LONP2: variants seen among roughly 807,000 people sequenced by gnomAD.
LONP2 encodes the protein lon protease homolog 2, peroxisomal.
Under a neutral mutation model 85.6 loss-of-function variants are expected in LONP2, and 60 were observed. That is an observed-to-expected ratio of 0.70 (90% CI 0.57 to 0.87). LONP2 has a LOEUF of 0.87. Among genes scored for constraint, LONP2 ranks in the 40% least tolerant of loss-of-function variants. LONP2 has a pLI of 0.00. For synonymous variants in LONP2, 395 were observed against 389.7 expected, an observed-to-expected ratio of 1.01 and a Z score of -0.16; for missense variants, 860 against 1,063.5, an observed-to-expected ratio of 0.81 and a Z score of 2.66.
chr16:48,318,228 T>C (rs1357724808), intron 11 of LONP2, among the ~76,000 whole-genome samples: 2 of 151,994 alleles, frequency 1.3e-5, no homozygotes, highest in Non-Finnish European at 2.9e-5. Flanking sequence ...CAATTTAAAA[T>C]GCATCAAAAG....
chr16:48,341,492 A>G (rs1379097309), intron 12 of LONP2, among the ~76,000 whole-genome samples: 1 of 151,750 alleles, frequency 6.6e-6, no homozygotes, highest in Non-Finnish European at 1.5e-5. Flanking sequence ...CTCACTCACT[A>G]TTGCGAGGAC....
chr16:48,286,615 CCA>C (rs774123158), intron 8 of LONP2, among the ~76,000 whole-genome samples: 3 of 152,038 alleles, frequency 2.0e-5, no homozygotes, highest in Non-Finnish European at 4.4e-5. Context: ...AGTGACCCAC[CCA>C]CCTCAGCCTC....
intron 11 of LONP2, among the ~76,000 whole-genome samples, chr16:48,309,744 CTTGTT>C (rs1464151512): frequency 6.6e-6 from 1 of 151,794 alleles, no homozygotes; most frequent in Non-Finnish European, 1.5e-5. Flanking sequence ...TTTATTGAGA[CTTGTT>C]TTGTGGCCTG....
At position 48,362,720 on chromosome 16, in the gene LONP2, T is replaced by A. The variant is rs1000882423; in HGVS notation, c.*857T>A. ...CTACATAGAATAATAAATGCTAAAATAGAAAATGGACCATAAACAACTAAA... is the reference window on the plus strand; with the variant it reads ...CTACATAGAATAATAAATGCTAAAAAAGAAAATGGACCATAAACAACTAAA... On this transcript the variant is annotated 3_prime_UTR_variant, in exon 5 of 5. Coordinates refer to the LONP2 transcript ENST00000565867. This position sits in a 1 kb window ranked among gnomAD's most constrained non-coding sequence, Gnocchi z 4.2. The A allele has an allele frequency of 1.1e-5, 3 of 284,928 alleles. No homozygotes were observed. The Admixed American group carries it at 1.5e-4, about 14-fold the overall frequency. The allele number at this position is 284,928 out of a possible 1,614,324, so 17.6% of individuals were successfully genotyped here.
At chr16:48,264,195 G>C (rs1339727374) in intron 6 of LONP2, among the ~76,000 whole-genome samples, 1 of 152,156 alleles carries the variant, frequency 6.6e-6, no homozygotes, top group Non-Finnish European at 1.5e-5. Flanking sequence ...TGAGATAACG[G>C]ATCTGACCAA....
chr16:48,295,783 T>C (rs1163966753), intron 8 of LONP2, among the ~76,000 whole-genome samples: 2 of 152,248 alleles, frequency 1.3e-5, no homozygotes, highest in African/African-American at 4.8e-5. Context: ...TTTCTGCTGC[T>C]TTGTGCTATT....
intron 7 of LONP2, among the ~76,000 whole-genome samples, chr16:48,275,892 C>A (rs117537416): frequency 0.011 from 1,717 of 152,100 alleles, 12 homozygotes; most frequent in Non-Finnish European, 0.018. Context: ...GGGTGCCTAC[C>A]TAGAATATTA....
chr16:48,330,265 G>A (rs951517141), intron 11 of LONP2, among the ~76,000 whole-genome samples: 4 of 152,210 alleles, frequency 2.6e-5, no homozygotes, highest in African/African-American at 9.6e-5. Flanking sequence ...CAAAAGAAAG[G>A]TATATAAGAA....
intron 11 of LONP2, among the ~76,000 whole-genome samples, chr16:48,316,571 C>T (rs1413124365): frequency 1.3e-5 from 2 of 152,082 alleles, no homozygotes; most frequent in African/African-American, 4.8e-5. Flanking sequence ...AAGTGATCCA[C>T]CCACCTTGGC....
chr16:48,351,607 G>C lies in LONP2; in HGVS notation c.2364G>C (p.Leu788=), dbSNP rs74862606. The change falls in exon 15 of 15, where the codon CTG becomes CTC. Residue 788 remains leucine, a synonymous_variant. Transcript: ENST00000285737. ...TGGGTGGAATTAAAGACAAAGTGCT[G>C]GCGGCACACAGAGCGGGACTGAAGC... ...LPVGGIKDKV[L]AAHRAGLKQV... 8.5e-4 allele frequency: 1,372 copies of C among 1,613,940 alleles called. 2 individuals are homozygous for C. In the African/African-American group the frequency reaches 0.017, roughly 20 times the overall value.
rs570269128 is a variant in LONP2, at chr16:48,257,096, G to A, written c.600+355G>A. Among the ~76,000 whole-genome samples, 6 of 152,306 alleles carry A rather than the reference G, an allele frequency of 3.9e-5. No homozygotes were observed. The East Asian group carries it at 1.2e-3, about 29-fold the overall frequency. On this transcript the variant is annotated intron_variant, in intron 3 of 14. Coordinates refer to ENST00000285737, the MANE Select transcript of LONP2 (RefSeq NM_031490.5). ...GGAGGCTGAGATGGGTGGATCGCTT[G>A]AGATCAGGAGTTCGAGACCAGCCTG... is the stretch of plus-strand genomic sequence containing the variant.
chr16:48,303,390 G>T, intron 11 of LONP2, 85 bp downstream of exon 11: 1 of 1,538,904 alleles, frequency 6.5e-7, no homozygotes, highest in Non-Finnish European at 8.9e-7. Flanking sequence ...GGAAGGTGTT[G>T]GGTAGTCCTT....
At chr16:48,362,015 T>C (rs746549456), downstream of LONP2, 2 of 1,614,168 alleles carry the variant, frequency 1.2e-6, no homozygotes, top group Non-Finnish European at 1.7e-6. This position sits in a 1 kb window ranked among gnomAD's most constrained non-coding sequence, Gnocchi z 4.2. Flanking sequence ...CCAGAGAGCC[T>C]TGCCATTTAC....
intron 12 of LONP2, chr16:48,345,193 C>A (rs1436107221): frequency 6.6e-6 from 1 of 152,256 alleles, no homozygotes; most frequent in African/African-American, 2.4e-5. Context: ...GCACTCCAGC[C>A]TGAGCTACAG....
At chr16:48,305,546 C>T (rs1327745673) in intron 11 of LONP2, among the ~76,000 whole-genome samples, 3 of 152,054 alleles carry the variant, frequency 2.0e-5, no homozygotes, top group Admixed American at 6.6e-5. Context: ...TGAGCCACTG[C>T]GCCTGGCTTT....
At position 48,261,339 on chromosome 16, in the gene LONP2, A is replaced by G. The variant is rs1479002848; in HGVS notation, c.724-85A>G. On this transcript the variant is annotated intron_variant, in intron 4 of 14. Coordinates refer to ENST00000285737, the MANE Select transcript of LONP2 (RefSeq NM_031490.5). ...GTAGTCATAAAAATATTTATTCAGC[A>G]CCAGTCATAATCTTATGTGTACCTG... is the stretch of plus-strand genomic sequence containing the variant. 5.4e-6 allele frequency: 5 copies of G among 919,672 alleles called. No individual in the cohort carries two copies. The East Asian group carries it at 1.3e-4, about 24-fold the overall frequency. 57.0% of individuals were successfully genotyped at this position (919,672 alleles called of 1,614,324 possible). A position where few individuals can be genotyped will look rare whatever the true frequency, so the allele number is the denominator to read the frequency against.
At chr16:48,284,944 A>G (rs1972407566) in intron 8 of LONP2, among the ~76,000 whole-genome samples, 1 of 152,196 alleles carries the variant, frequency 6.6e-6, no homozygotes, top group African/African-American at 2.4e-5. Flanking sequence ...TATGTTTGCA[A>G]TGTAATCACT....
At chr16:48,271,595 A>G (rs1167152776) in intron 7 of LONP2, among the ~76,000 whole-genome samples, 1 of 152,158 alleles carries the variant, frequency 6.6e-6, no homozygotes, top group Non-Finnish European at 1.5e-5. Flanking sequence ...AAAAAGTATC[A>G]TTACTGGCCT....
downstream of LONP2, among the ~76,000 whole-genome samples, chr16:48,357,651 C>T (rs1960425270): frequency 6.6e-6 from 1 of 152,180 alleles, no homozygotes; most frequent in South Asian, 2.1e-4. Context: ...GGATTACTTA[C>T]CAATTCTTCT....
Sources: allele counts gnomAD v4.1 joint callset (sites outside exome capture counted in the v4.1 genomes callset), GRCh38; gene constraint gnomAD v4.1.1; non-coding constraint Gnocchi (gnomAD v3.1); transcripts MANE v1.5; gene names NCBI Gene and HGNC (gene_info 2026-07-23, HGNC 2026-07-21).